The following CDH12 variants were observed in gnomAD, a reference collection of about 807,000 sequenced individuals.
The protein encoded by CDH12 is cadherin 12.
A neutral mutation model predicts 74.1 loss-of-function variants in CDH12; 41 were observed. The ratio of observed to expected loss-of-function variants is 0.55; its 90% CI spans 0.43 to 0.72. CDH12 has a LOEUF of 0.72. CDH12 is among the 30% of genes least tolerant of loss of function. The probability of loss-of-function intolerance (pLI) is 0.00; values close to 1 mark genes in which losing one functional copy is unlikely to be tolerated. For missense variants in CDH12, 945 were observed against 977.2 expected, an observed-to-expected ratio of 0.97 and a Z score of 0.44; for synonymous variants, 399 against 355.0, an observed-to-expected ratio of 1.12 and a Z score of -1.39.
chr5:21,863,562 G>A (rs1293289457), intron 6 of CDH12, among the ~76,000 whole-genome samples: 1 of 152,060 alleles, frequency 6.6e-6, no homozygotes, highest in East Asian at 1.9e-4. Context: ...TACTCACATA[G>A]ACTTTTACAC....
intron 3 of CDH12, among the ~76,000 whole-genome samples, chr5:22,396,459 C>G (rs1335915816): frequency 6.6e-6 from 1 of 152,086 alleles, no homozygotes; most frequent in East Asian, 1.9e-4. Flanking sequence ...TTCTGTCTCC[C>G]TGCACTGACT....
At chr5:22,504,624 C>G (rs1244677052) in intron 2 of CDH12, among the ~76,000 whole-genome samples, 1 of 151,984 alleles carries the variant, frequency 6.6e-6, no homozygotes, top group African/African-American at 2.4e-5. Flanking sequence ...CGGGGAGTGT[C>G]AAAGCAGCAC....
intron 1 of CDH12, among the ~76,000 whole-genome samples, chr5:22,609,757 T>C (rs1368899102): frequency 6.6e-6 from 1 of 152,216 alleles, no homozygotes; most frequent in African/African-American, 2.4e-5. Flanking sequence ...ATGAAGGAAA[T>C]TCCTTAAGTC....
chr5:21,866,042 C>A (rs540220547), intron 6 of CDH12, among the ~76,000 whole-genome samples: 2 of 152,126 alleles, frequency 1.3e-5, no homozygotes, highest in Non-Finnish European at 2.9e-5. Flanking sequence ...TGAAGGGAAA[C>A]CTCTTTCACT....
intron 6 of CDH12, among the ~76,000 whole-genome samples, chr5:21,915,370 C>T (rs1754039739): frequency 6.6e-6 from 1 of 152,072 alleles, no homozygotes; most frequent in Non-Finnish European, 1.5e-5. Context: ...AAGCGAACTG[C>T]AAGGTTTGAC....
intron 1 of CDH12, among the ~76,000 whole-genome samples, chr5:22,657,011 A>C (rs1414909004): frequency 6.6e-6 from 1 of 151,986 alleles, no homozygotes; most frequent in East Asian, 1.9e-4. Flanking sequence ...GTCTCCCAAA[A>C]TGCTGGCTTT....
chr5:22,486,868 G>A (rs1746624678), intron 2 of CDH12, among the ~76,000 whole-genome samples: 1 of 152,098 alleles, frequency 6.6e-6, no homozygotes, highest in Admixed American at 6.5e-5. Flanking sequence ...TGCACAGTGA[G>A]GTGGTCATTA....
intron 6 of CDH12, among the ~76,000 whole-genome samples, chr5:21,965,319 G>A (rs1056615613): frequency 2.4e-4 from 36 of 151,924 alleles, no homozygotes; most frequent in Non-Finnish European, 4.9e-4. Flanking sequence ...GGGAAAAAGG[G>A]TATATTAAAA....
intron 5 of CDH12, among the ~76,000 whole-genome samples, chr5:22,057,128 T>C (rs1356836884): frequency 6.6e-6 from 1 of 152,162 alleles, no homozygotes; most frequent in Non-Finnish European, 1.5e-5. Context: ...TTATGAGTCT[T>C]ACAGCTTCTG....
At chr5:22,057,478 A>T (rs999847110) in intron 5 of CDH12, among the ~76,000 whole-genome samples, 11 of 152,158 alleles carry the variant, frequency 7.2e-5, no homozygotes, top group Admixed American at 1.3e-4. Flanking sequence ...TGTGTGACTT[A>T]GATTCTTTAT....
intron 5 of CDH12, among the ~76,000 whole-genome samples, chr5:21,998,756 A>T (rs1451081986): frequency 6.6e-6 from 1 of 152,116 alleles, no homozygotes; most frequent in African/African-American, 2.4e-5. Context: ...CATTTGAATG[A>T]GGGAACCACA....
chr5:21,905,060 G>T (rs1753573298), intron 6 of CDH12, among the ~76,000 whole-genome samples: 1 of 152,134 alleles, frequency 6.6e-6, no homozygotes, highest in Non-Finnish European at 1.5e-5. Flanking sequence ...TGTGTACTTT[G>T]GATGTCAATC....
intron 8 of CDH12, among the ~76,000 whole-genome samples, chr5:21,819,456 A>T (rs140779502): frequency 5.6e-4 from 85 of 152,116 alleles, no homozygotes; most frequent in Non-Finnish European, 9.4e-4. Flanking sequence ...ATTTATCAGA[A>T]ACTGTGTTTG....
chr5:21,777,370 T>A (rs1449594481), intron 11 of CDH12, among the ~76,000 whole-genome samples: 1 of 152,182 alleles, frequency 6.6e-6, no homozygotes, highest in South Asian at 2.1e-4. Flanking sequence ...TGAATTTTGA[T>A]ATGTAAGCCC....
chr5:21,757,579 T>C (rs1416373255), intron 13 of CDH12, among the ~76,000 whole-genome samples: 1 of 152,204 alleles, frequency 6.6e-6, no homozygotes, highest in African/African-American at 2.4e-5. Flanking sequence ...AAAAATACCT[T>C]ACAAATCTAA....
intron 11 of CDH12, among the ~76,000 whole-genome samples, chr5:21,778,466 C>CAAAAAAAA (rs70957061): frequency 2.1e-4 from 11 of 52,604 alleles, no homozygotes; most frequent in South Asian, 1.1e-3. Context: ...GCATATAAGC[C>CAAAAAAAA]AAAAAAAAAA....
chr5:22,432,353 T>C (rs1744207376), intron 2 of CDH12, among the ~76,000 whole-genome samples: 1 of 152,076 alleles, frequency 6.6e-6, no homozygotes, highest in Admixed American at 6.6e-5. Flanking sequence ...AACGATGAAA[T>C]TGCCTAAAGA....
intron 1 of CDH12, among the ~76,000 whole-genome samples, chr5:22,612,388 T>C (rs1737451148): frequency 6.6e-6 from 1 of 152,152 alleles, no homozygotes; most frequent in African/African-American, 2.4e-5. Context: ...GCAGATATCT[T>C]ATATTTACTA....
intron 5 of CDH12, among the ~76,000 whole-genome samples, chr5:22,046,430 CTTTTTTT>C (rs11323330): frequency 6.0e-5 from 6 of 100,370 alleles, no homozygotes; most frequent in African/African-American, 2.1e-4. Flanking sequence ...CATTTAATTT[CTTTTTTT>C]TTTTTTTTTT....
Sources: gnomAD v4.1 joint callset for allele counts (sites outside exome capture counted in the v4.1 genomes callset) on GRCh38, gnomAD v4.1.1 for gene constraint, MANE v1.5 for transcripts, NCBI Gene and HGNC (gene_info 2026-07-23, HGNC 2026-07-21) for gene names.